The following ANKRD27 variants were observed in gnomAD, a reference collection of about 807,000 sequenced individuals.
The protein encoded by ANKRD27 is ankyrin repeat domain 27.
In ANKRD27, 112 loss-of-function variants were observed where a neutral mutation model predicts 129.7. That is an observed-to-expected ratio of 0.86 (90% confidence interval 0.74 to 1.01). The LOEUF (loss-of-function observed/expected upper bound fraction) is 1.01, where lower values mean the gene tolerates loss of function less well. Among genes scored for constraint, ANKRD27 ranks in the 50% least tolerant of loss-of-function variants. The pLI, the probability that ANKRD27 is intolerant of heterozygous loss-of-function variation, is 0.00. For missense variants in ANKRD27, 1,258 were observed against 1,300.5 expected (o/e 0.97, Z 0.50); for synonymous variants, 516 against 511.2 (o/e 1.01, Z -0.13).
In ANKRD27 at chr19:32,659,053, A is replaced by G. The variant is rs747582317; in HGVS notation, c.-30-8T>C. 2.1e-5 allele frequency: 31 copies of G among 1,477,098 alleles called. No individual in the cohort carries two copies. Among genetic ancestry groups the G allele is most frequent in the Non-Finnish European group, 2.9e-5 (31 of 1,055,496 alleles). 91.5% of individuals were successfully genotyped at this position (1,477,098 alleles called of 1,614,324 possible). ...TGGGTCAGAGCAAATCTCCTGCAAT[A>G]AGGGAGGGAAAAGCAGTGAATAGCC... On this transcript the variant is annotated splice_polypyrimidine_tract_variant and splice_region_variant and intron_variant, in intron 1 of 28. Coordinates refer to ENST00000306065, the MANE Select transcript of ANKRD27 (RefSeq NM_032139.3).
Position 32,608,265 on chromosome 19 carries a change from C to G in ANKRD27, c.2176-433G>C. On this transcript the variant is annotated intron_variant, in intron 22 of 28. Transcript: ENST00000306065. ...GGTTCATGTGGTCCTCCCACCTCAG[C>G]CTCCCAAAGTGCTGAGACTGCAGAT... The G allele has an allele frequency of 1.2e-5, 3 of 241,650 alleles. No individual in the cohort carries two copies. In the South Asian group the frequency reaches 1.4e-4, roughly 11 times the overall value. The allele number at this position is 241,650 out of a possible 1,614,324, so 15.0% of individuals were successfully genotyped here. A position where few individuals can be genotyped will look rare whatever the true frequency, so the allele number is the denominator to read the frequency against.
In ANKRD27 at chr19:32,609,664, G is replaced by C. The variant is rs373894065; in HGVS notation, c.2176-1832C>G. On this transcript the variant is annotated intron_variant, in intron 22 of 28. Coordinates refer to ENST00000306065, the MANE Select transcript of ANKRD27 (RefSeq NM_032139.3). Reference sequence around the variant, plus strand: ...TGGGAGAGGCGATGGGGGAATGGGGGGGTCATAGTGGGGGGGAAGGCAAAA... The same window carrying C: ...TGGGAGAGGCGATGGGGGAATGGGGCGGTCATAGTGGGGGGGAAGGCAAAA... 2.9e-5 allele frequency among the ~76,000 whole-genome samples: 4 copies of C among 139,842 alleles called. No homozygotes were observed. The South Asian group carries it at 1.1e-3, about 37-fold the overall frequency. 91.7% of individuals were successfully genotyped at this position (139,842 alleles called of 152,430 possible). A position where few individuals can be genotyped will look rare whatever the true frequency, so the allele number is the denominator to read the frequency against.
chr19:32,646,490 T>C lies in ANKRD27; in HGVS notation c.339A>G (p.Ile113Met). ...EKEESFSILC[I>M]AHPLEKRESS... ...TCTCTCTCTTTTCCAAAGGATGGGCTATACACAGGATGCTGAAACTCTCTT... is the reference window on the plus strand; with the variant it reads ...TCTCTCTCTTTTCCAAAGGATGGGCCATACACAGGATGCTGAAACTCTCTT... The change falls in exon 4 of 29, where the codon ATA becomes ATG. Residue 113 changes from isoleucine (I) to methionine (M), a missense_variant. Ile to Met is a conservative substitution (Grantham distance 10). Transcript: ENST00000306065. 1 of 1,614,174 alleles carries C rather than the reference T, an allele frequency of 6.2e-7. No individual in the cohort carries two copies. Among genetic ancestry groups the C allele is most frequent in the Non-Finnish European group, 8.5e-7 (1 of 1,180,006 alleles).
At chr19:32,601,908 T>G in intron 26 of ANKRD27, 107 bp downstream of exon 26, 1 of 686,822 alleles carries the variant, frequency 1.5e-6, no homozygotes, top group South Asian at 1.9e-5. Context: ...CCTCCAGGCA[T>G]GATTATAATT....
intron 21 of ANKRD27, among the ~76,000 whole-genome samples, chr19:32,616,389 C>T (rs774471821): frequency 1.3e-4 from 20 of 151,980 alleles, no homozygotes; most frequent in Non-Finnish European, 2.4e-4. Flanking sequence ...CCCGTCTCTG[C>T]TAAAAATACA....
intron 1 of ANKRD27, among the ~76,000 whole-genome samples, chr19:32,667,283 C>G (rs776945488): frequency 1.8e-4 from 28 of 152,228 alleles, no homozygotes; most frequent in Admixed American, 1.4e-3. Context: ...CACAATTTTG[C>G]CCAACAATTA....
intron 21 of ANKRD27, 67 bp downstream of exon 21, chr19:32,617,522 G>C: frequency 1.4e-6 from 1 of 690,588 alleles, no homozygotes; most frequent in Admixed American, 2.2e-5. Flanking sequence ...ACTCCAGCCT[G>C]GGTGACAGAA....
chr19:32,625,435 CTT>C (rs34165165), intron 17 of ANKRD27, among the ~76,000 whole-genome samples: 232 of 133,258 alleles, frequency 1.7e-3, no homozygotes, highest in Middle Eastern at 7.5e-3. Context: ...TAAACATTCT[CTT>C]TTTTTTTTTT....
chr19:32,663,340 G>A (rs559068318), intron 1 of ANKRD27, among the ~76,000 whole-genome samples: 86 of 152,194 alleles, frequency 5.7e-4, no homozygotes, highest in Non-Finnish European at 1.2e-3. Context: ...GTAATAAATT[G>A]TGGCAGTTTG....
At chr19:32,646,730 T>C (rs1967311607) in intron 3 of ANKRD27, 115 bp from the exon 4 acceptor site, 10 of 1,082,274 alleles carry the variant, frequency 9.2e-6, no homozygotes, top group Non-Finnish European at 1.0e-5. Context: ...CCATTGTGGG[T>C]TTGCTGGGGC....
intron 17 of ANKRD27, among the ~76,000 whole-genome samples, chr19:32,623,909 T>C (rs116669011): frequency 0.037 from 5,695 of 152,170 alleles, 154 homozygotes; most frequent in South Asian, 0.077. Flanking sequence ...CACGTGCCTG[T>C]TCCCTTTGCT....
intron 2 of ANKRD27, among the ~76,000 whole-genome samples, chr19:32,650,098 G>A (rs1052322881): frequency 1.3e-5 from 2 of 152,014 alleles, no homozygotes; most frequent in Admixed American, 6.6e-5. Flanking sequence ...TCCTACAATC[G>A]CTGGGTCCCC....
At chr19:32,670,369 A>G (rs1296323055) in intron 1 of ANKRD27, among the ~76,000 whole-genome samples, 1 of 152,234 alleles carries the variant, frequency 6.6e-6, no homozygotes, top group Non-Finnish European at 1.5e-5. Flanking sequence ...CCTCTGTCCG[A>G]CACTGTTCTC....
At chr19:32,609,037 T>A (rs1208232371) in intron 22 of ANKRD27, among the ~76,000 whole-genome samples, 4 of 152,078 alleles carry the variant, frequency 2.6e-5, no homozygotes, top group African/African-American at 7.2e-5. Flanking sequence ...CTGGCTGATT[T>A]TTGTATTTGT....
rs1971726747 is a variant in ANKRD27, at chr19:32,605,895, GT to G, written c.2432del (p.Asn811ThrfsTer41). ...CGGAGCAGGCGTAAATGAGGGGCGT[GT>G]TTCCACTGAGGTCCTTCTTATTGGG... The part of the protein sequence containing the change: ...AKPNKKDLSG[N>X]TPLIYACSGG... On this transcript the variant is annotated frameshift_variant, in exon 24 of 29. Transcript: ENST00000306065. LOFTEE classifies it high-confidence loss of function. 1 of 1,614,000 alleles carries G rather than the reference GT, an allele frequency of 6.2e-7. No homozygotes were observed. Among genetic ancestry groups the G allele is most frequent in the Admixed American group, 1.7e-5 (1 of 59,994 alleles).
chr19:32,602,950 AT>A (rs1368754528), intron 25 of ANKRD27, among the ~76,000 whole-genome samples: 6 of 152,142 alleles, frequency 3.9e-5, no homozygotes, highest in African/African-American at 1.4e-4. Flanking sequence ...CAACATAATC[AT>A]TTAAGAAAGT....
chr19:32,669,490 T>G (rs752613458), intron 1 of ANKRD27, among the ~76,000 whole-genome samples: 1 of 152,200 alleles, frequency 6.6e-6, no homozygotes, highest in Non-Finnish European at 1.5e-5. Flanking sequence ...TGGTTCTATG[T>G]GGCACATTGC....
chr19:32,629,517 T>C (rs1296226623), intron 13 of ANKRD27, among the ~76,000 whole-genome samples: 1 of 152,104 alleles, frequency 6.6e-6, no homozygotes, highest in African/African-American at 2.4e-5. Context: ...CTGGCCAACA[T>C]GGTAAAACCT....
chr19:32,605,910 C>T lies in ANKRD27; in HGVS notation c.2418G>A (p.Lys806=), dbSNP rs7248273. ...TGAGGGGCGTGTTTCCACTGAGGTC[C>T]TTCTTATTGGGTTTTGCATTCGAAT... is the stretch of plus-strand genomic sequence containing the variant. ...LLDSNAKPNK[K]DLSGNTPLIY... is the part of the protein sequence containing the mutation. The change falls in exon 24 of 29, where the codon AAG becomes AAA. Residue 806 remains lysine, a synonymous_variant. Transcript: ENST00000306065. 209,484 of 1,613,238 alleles carry T rather than the reference C, an allele frequency of 0.13. 14,781 individuals carry two copies. The highest frequency in any genetic ancestry group is 0.24 in the African/African-American group (18,023 of 74,886).
Sources: gnomAD v4.1 joint callset for allele counts (sites outside exome capture counted in the v4.1 genomes callset) on GRCh38, gnomAD v4.1.1 for gene constraint, MANE v1.5 for transcripts, NCBI Gene and HGNC (gene_info 2026-07-23, HGNC 2026-07-21) for gene names.